LIPG: variants seen among roughly 807,000 people sequenced by gnomAD.
LIPG encodes endothelial lipase.
Under a neutral mutation model 51.8 loss-of-function variants are expected in LIPG, and 34 were observed. That is an observed-to-expected ratio of 0.66 (90% CI 0.50 to 0.87). The LOEUF (loss-of-function observed/expected upper bound fraction) is 0.87, where lower values mean the gene tolerates loss of function less well. Ranked by LOEUF, LIPG falls within the 40% of genes least tolerant of loss-of-function variation. LIPG has a pLI of 0.00. For synonymous variants in LIPG, 246 were observed against 246.1 expected, an observed-to-expected ratio of 1.00 and a Z score of 0.00; for missense variants, 580 against 652.7, an observed-to-expected ratio of 0.89 and a Z score of 1.21.
Position 49,565,305 on chromosome 18 carries a change from C to A in LIPG, c.98-12C>A. On this transcript the variant is annotated splice_polypyrimidine_tract_variant and intron_variant, in intron 1 of 9. Transcript: ENST00000261292. ...CTGCTAGATGCACCCACGCTCTGTT[C>A]TGTCTCCCCAGATAAGCTCCACAAA... 1 of 1,613,628 alleles carries A rather than the reference C, an allele frequency of 6.2e-7. No homozygotes were observed. The highest frequency in any genetic ancestry group is 1.1e-5 in the South Asian group (1 of 91,020).
At chr18:49,571,295 C>G (rs2084660368) in intron 4 of LIPG, among the ~76,000 whole-genome samples, 1 of 152,222 alleles carries the variant, frequency 6.6e-6, no homozygotes, top group Non-Finnish European at 1.5e-5. Context: ...ACACCACAGT[C>G]CAGGCCCAGA....
chr18:49,579,425 T>C (rs115548522), intron 5 of LIPG, among the ~76,000 whole-genome samples: 387 of 151,950 alleles, frequency 2.5e-3, no homozygotes, highest in African/African-American at 7.4e-3. Flanking sequence ...CCACCATACC[T>C]GGCTCCAAAA....
At chr18:49,578,954 T>G (rs1400224155) in intron 5 of LIPG, among the ~76,000 whole-genome samples, 1 of 134,844 alleles carries the variant, frequency 7.4e-6, no homozygotes, top group African/African-American at 2.8e-5. Flanking sequence ...TGAGCCGAGA[T>G]GGCAGCAGTA....
At chr18:49,581,338 G>A (rs2084816442) in intron 5 of LIPG, 77 bp from the exon 6 acceptor site, 9 of 1,550,390 alleles carry the variant, frequency 5.8e-6, no homozygotes, top group Admixed American at 1.7e-5. Context: ...CTGTTGAGGA[G>A]TACAGTATTT....
chr18:49,564,905 G>C (rs1288903283), intron 1 of LIPG, among the ~76,000 whole-genome samples: 1 of 152,184 alleles, frequency 6.6e-6, no homozygotes, highest in African/African-American at 2.4e-5. Flanking sequence ...ATAATATATG[G>C]TGTATGCTCC....
Position 49,573,858 on chromosome 18 carries a change from G to A in LIPG, c.572-1511G>A, listed in dbSNP as rs545411598. The stretch of plus-strand genomic sequence containing the variant: ...TCCCAGCCTTGGTGTTTCGAGGCCA[G>A]GTTTTCTCAGCCTAGGCAATATTGA... On this transcript the variant is annotated intron_variant, in intron 4 of 9. Coordinates refer to ENST00000261292, the MANE Select transcript of LIPG (RefSeq NM_006033.4). Among the ~76,000 whole-genome samples the A allele has an allele frequency of 2.6e-5, 4 of 152,254 alleles. No individual in the cohort carries two copies. The South Asian group carries it at 6.2e-4, about 24-fold the overall frequency.
At chr18:49,589,124 G>A (rs1464538829) in intron 9 of LIPG, among the ~76,000 whole-genome samples, 1 of 152,056 alleles carries the variant, frequency 6.6e-6, no homozygotes, top group African/African-American at 2.4e-5. Flanking sequence ...GAATCACCTC[G>A]CGTCTGTCTG....
rs1394490929 is a variant in LIPG at position 49,596,837 on chromosome 18, A to C, written c.*6315A>C. ...AGTATTTCCCCCCCTCATATCCCTC[A>C]AGTGCTCCATTTTCCAAATGCATTT... is the stretch of plus-strand genomic sequence containing the variant. On this transcript the variant is annotated 3_prime_UTR_variant, in exon 10 of 10. Transcript: ENST00000261292. The C allele has an allele frequency of 6.6e-6, 1 of 151,232 alleles. No homozygotes were observed. Among genetic ancestry groups the C allele is most frequent in the Non-Finnish European group, 1.5e-5 (1 of 67,918 alleles). 9.4% of individuals were successfully genotyped at this position (151,232 alleles called of 1,614,324 possible). A position where few individuals can be genotyped will look rare whatever the true frequency, so the allele number is the denominator to read the frequency against.
Position 49,593,601 on chromosome 18 carries a change from C to T in LIPG, c.*3079C>T, listed in dbSNP as rs757366764. 9 of 152,222 alleles carry T rather than the reference C, an allele frequency of 5.9e-5. No individual in the cohort carries two copies. Among genetic ancestry groups the T allele is most frequent in the Non-Finnish European group, 7.3e-5 (5 of 68,052 alleles). 9.4% of individuals were successfully genotyped at this position (152,222 alleles called of 1,614,324 possible). A position where few individuals can be genotyped will look rare whatever the true frequency, so the allele number is the denominator to read the frequency against. On this transcript the variant is annotated 3_prime_UTR_variant, in exon 10 of 10. Coordinates refer to ENST00000261292, the MANE Select transcript of LIPG (RefSeq NM_006033.4). ...CAGCTGGTAGTAAGGTTCTATTCTACAGGCCAAGAGGGCTGCAGGTTCTTA... is the reference window on the plus strand; with the variant it reads ...CAGCTGGTAGTAAGGTTCTATTCTATAGGCCAAGAGGGCTGCAGGTTCTTA...
chr18:49,565,508 G>T lies in LIPG; in HGVS notation c.279+10G>T. 6.2e-7 allele frequency: 1 copy of T among 1,614,142 alleles called. No individual in the cohort carries two copies. The highest frequency in any genetic ancestry group is 8.5e-7 in the Non-Finnish European group (1 of 1,179,986). Reference sequence around the variant, plus strand: ...CATTCACGGATGGACGGTGAGCCCGGGGAGGGAGCTCTGCGGCTTTATATA... The same window carrying T: ...CATTCACGGATGGACGGTGAGCCCGTGGAGGGAGCTCTGCGGCTTTATATA... On this transcript the variant is annotated intron_variant, in intron 2 of 9. Coordinates refer to ENST00000261292, the MANE Select transcript of LIPG (RefSeq NM_006033.4).
upstream of LIPG, chr18:49,561,869 C>A: frequency 7.9e-7 from 1 of 1,266,730 alleles, no homozygotes; most frequent in Non-Finnish European, 9.9e-7. Flanking sequence ...GGAAGCGGGG[C>A]CGAGCGTGCG....
At position 49,574,626 on chromosome 18, in the gene LIPG, G is replaced by A. The variant is rs531098247; in HGVS notation, c.572-743G>A. Among the ~76,000 whole-genome samples the A allele has an allele frequency of 1.5e-4, 23 of 152,230 alleles. No homozygotes were observed. In the South Asian group the frequency reaches 4.4e-3, roughly 29 times the overall value. ...GTGTGTCCTTCCAGATTTTTTTGTA[G>A]CTGTATGGTGGAATTTAAATTTAAC... On this transcript the variant is annotated intron_variant, in intron 4 of 9. Coordinates refer to ENST00000261292, the MANE Select transcript of LIPG (RefSeq NM_006033.4).
At chr18:49,574,222 G>C (rs2084692099) in intron 4 of LIPG, among the ~76,000 whole-genome samples, 1 of 152,170 alleles carries the variant, frequency 6.6e-6, no homozygotes, top group Non-Finnish European at 1.5e-5. Flanking sequence ...GGTAATAGTA[G>C]CTAATACTGA....
intron 8 of LIPG, 109 bp downstream of exon 8, chr18:49,583,883 C>A: frequency 9.9e-7 from 1 of 1,013,916 alleles, no homozygotes; most frequent in Non-Finnish European, 1.4e-6. Context: ...TTCCCTCCAG[C>A]ATGCAGGTAA....
rs147973057 is a variant in LIPG at position 49,565,497 on chromosome 18, C to T, written c.278C>T (p.Thr93Met). The T allele has an allele frequency of 2.4e-5, 38 of 1,614,156 alleles. No individual in the cohort carries two copies. Among genetic ancestry groups the T allele is most frequent in the African/African-American group, 2.7e-5 (2 of 75,052 alleles). The change falls in exon 2 of 10, where the codon ACG becomes ATG. Residue 93 changes from threonine to methionine, a missense_variant and splice_region_variant. Transcript: ENST00000261292. ...ACCTTTTTCATCATTCACGGATGGA[C>T]GGTGAGCCCGGGGAGGGAGCTCTGC... ...AKTFFIIHGW[T>M]MSGIFENWLH...
At chr18:49,579,767 T>TTC (rs1568533471) in intron 5 of LIPG, among the ~76,000 whole-genome samples, 578 of 46,460 alleles carry the variant, frequency 0.012, 23 homozygotes, top group African/African-American at 0.039. Flanking sequence ...TCCTTTCCTT[T>TTC]CTTTTCTTTT....
intron 5 of LIPG, among the ~76,000 whole-genome samples, chr18:49,578,098 G>C (rs1305718238): frequency 7.1e-5 from 9 of 127,446 alleles, no homozygotes; most frequent in South Asian, 5.3e-4. Flanking sequence ...TCCCGGATGG[G>C]GCGGCTGGCC....
rs2084987713 is a variant in LIPG, at chr18:49,597,312, C to A, written c.*6790C>A. The stretch of plus-strand genomic sequence containing the variant: ...TGAACTTACAGAGCCTTTCAGTAAA[C>A]ACCAGTATTTGTCCCTCCCCGTGTA... On this transcript the variant is annotated 3_prime_UTR_variant, in exon 10 of 10. Coordinates refer to ENST00000261292, the MANE Select transcript of LIPG (RefSeq NM_006033.4). 6.6e-6 allele frequency: 1 copy of A among 152,150 alleles called. No individual in the cohort carries two copies. The highest frequency in any genetic ancestry group is 1.5e-5 in the Non-Finnish European group (1 of 68,030). The allele number at this position is 152,150 out of a possible 1,614,324, so 9.4% of individuals were successfully genotyped here. A position where few individuals can be genotyped will look rare whatever the true frequency, so the allele number is the denominator to read the frequency against.
At position 49,586,901 on chromosome 18, in the gene LIPG, TCTC is replaced by T. The variant is rs748615157; in HGVS notation, c.1481+54_1481+56del. The T allele has an allele frequency of 4.7e-6, 6 of 1,289,562 alleles. No individual in the cohort carries two copies. The East Asian group carries it at 6.9e-5, about 15-fold the overall frequency. The allele number at this position is 1,289,562 out of a possible 1,614,324, so 79.9% of individuals were successfully genotyped here. On this transcript the variant is annotated intron_variant, in intron 9 of 9. Coordinates refer to ENST00000261292, the MANE Select transcript of LIPG (RefSeq NM_006033.4). ...CACCCAGGACACGTTGACATGATGATCTCCTAGCATGTGCTGGGGATGGATCTG... is the reference window on the plus strand; with the variant it reads ...CACCCAGGACACGTTGACATGATGATCTAGCATGTGCTGGGGATGGATCTG...
Sources: allele counts gnomAD v4.1 joint callset (sites outside exome capture counted in the v4.1 genomes callset), GRCh38; gene constraint gnomAD v4.1.1; transcripts MANE v1.5; gene names NCBI Gene and HGNC (gene_info 2026-07-23, HGNC 2026-07-21).